The following TTC27 variants were observed in gnomAD, a reference collection of about 807,000 sequenced individuals.
TTC27 encodes the protein tetratricopeptide repeat domain 27.
In TTC27, 79 loss-of-function variants were observed where a neutral mutation model predicts 115.9. The observed-to-expected ratio is 0.68, with a 90% CI of 0.57 to 0.82. The LOEUF (loss-of-function observed/expected upper bound fraction) is 0.82. Ranked by LOEUF, TTC27 falls within the 40% of genes least tolerant of loss-of-function variation. The probability of loss-of-function intolerance (pLI) is 0.00; values close to 1 mark genes in which losing one functional copy is unlikely to be tolerated. For synonymous variants in TTC27, 401 were observed against 356.0 expected (o/e 1.13, Z -1.42); for missense variants, 1,054 against 993.1 (o/e 1.06, Z -0.82).
rs1404015895 is a variant in TTC27 at position 32,736,764 on chromosome 2, A to G, written c.1400A>G (p.Glu467Gly). 6.2e-7 allele frequency: 1 copy of G among 1,614,060 alleles called. No homozygotes were observed. The highest frequency in any genetic ancestry group is 1.1e-5 in the South Asian group (1 of 91,068). Residue 467 changes from glutamate (E) to glycine (G), a missense_variant, in exon 12 of 20, where the codon GAA becomes GGA. By Grantham distance (98) the Glu-to-Gly change is moderately conservative. Coordinates refer to ENST00000317907, the MANE Select transcript of TTC27 (RefSeq NM_017735.5). ...SSALQIFEKL[E>G]MWEDVVICYE... is the part of the protein sequence containing the mutation. ...GCCCTTCAGATATTTGAAAAGCTAG[A>G]AATGTGGGAAGATGTTGTCATTTGT...
At position 32,628,191 on chromosome 2, in the gene TTC27, C is replaced by A. The variant is rs938662585; in HGVS notation, c.-102C>A. ...GGTGTATTTACGGTAACTGTCGCCA[C>A]TAGATTTCAGCGCCTTTGGACTCTC... On this transcript the variant is annotated 5_prime_UTR_variant, in exon 1 of 20. Coordinates refer to ENST00000317907, the MANE Select transcript of TTC27 (RefSeq NM_017735.5). The A allele has an allele frequency of 9.1e-7, 1 of 1,098,462 alleles. No homozygotes were observed. The highest frequency in any genetic ancestry group is 1.3e-6 in the Non-Finnish European group (1 of 744,498). The allele number at this position is 1,098,462 out of a possible 1,614,324, so 68.0% of individuals were successfully genotyped here. A position where few individuals can be genotyped will look rare whatever the true frequency, so the allele number is the denominator to read the frequency against.
intron 12 of TTC27, among the ~76,000 whole-genome samples, chr2:32,743,115 G>A (rs1359094314): frequency 4.0e-5 from 6 of 151,800 alleles, no homozygotes; most frequent in African/African-American, 9.7e-5. Context: ...CATTTTTTAC[G>A]TGGAGGGCTT....
At chr2:32,662,468 G>A (rs1271259756) in intron 5 of TTC27, among the ~76,000 whole-genome samples, 1 of 152,170 alleles carries the variant, frequency 6.6e-6, no homozygotes, top group Non-Finnish European at 1.5e-5. Flanking sequence ...TCTATTCAGG[G>A]ATTTGACTTC....
At chr2:32,753,880 C>T (rs1402534809) in intron 12 of TTC27, among the ~76,000 whole-genome samples, 4 of 151,996 alleles carry the variant, frequency 2.6e-5, no homozygotes, top group Admixed American at 2.6e-4. Flanking sequence ...TCGAGACCAG[C>T]CTGGCCAACA....
chr2:32,751,518 A>G (rs947429114), intron 12 of TTC27, among the ~76,000 whole-genome samples: 3 of 152,126 alleles, frequency 2.0e-5, no homozygotes, highest in African/African-American at 7.2e-5. Flanking sequence ...GAAGAGAAGG[A>G]AACTAGAGAA....
chr2:32,666,672 T>C lies in TTC27; in HGVS notation c.843T>C (p.Tyr281=). ...LGKRTRFQEN[Y]VAQLILDVRR... ...AAAGAACACGGTTCCAGGAAAATTATGTGGCACAACTGATTCTAGATGTAA... is the reference window on the plus strand; with the variant it reads ...AAAGAACACGGTTCCAGGAAAATTACGTGGCACAACTGATTCTAGATGTAA... The change falls in exon 7 of 20, where the codon TAT becomes TAC. Residue 281 remains tyrosine, a synonymous_variant. Coordinates refer to ENST00000317907, the MANE Select transcript of TTC27 (RefSeq NM_017735.5). The C allele has an allele frequency of 1.9e-6, 3 of 1,614,070 alleles. No homozygotes were observed. Among genetic ancestry groups the C allele is most frequent in the Non-Finnish European group, 1.7e-6 (2 of 1,179,960 alleles).
chr2:32,815,225 T>TTTC, intron 18 of TTC27, among the ~76,000 whole-genome samples: 2 of 70,410 alleles, frequency 2.8e-5, no homozygotes, highest in East Asian at 6.0e-4. Flanking sequence ...TGCTTCAGAT[T>TTTC]TTTTTTTTTT....
At chr2:32,814,545 C>T (rs907324833) in intron 18 of TTC27, among the ~76,000 whole-genome samples, 4 of 152,150 alleles carry the variant, frequency 2.6e-5, no homozygotes, top group African/African-American at 9.7e-5. Context: ...AACATTGTTC[C>T]TCCACCCCAC....
chr2:32,810,369 T>C (rs4952299), intron 16 of TTC27, among the ~76,000 whole-genome samples: 63,713 of 151,948 alleles, frequency 0.42, 13,867 homozygotes, highest in South Asian at 0.59. Flanking sequence ...TTGTCCTAAA[T>C]AGGACATTAG....
intron 12 of TTC27, among the ~76,000 whole-genome samples, chr2:32,755,225 G>A (rs1669184525): frequency 1.3e-5 from 2 of 152,214 alleles, no homozygotes; most frequent in African/African-American, 4.8e-5. Flanking sequence ...GGGAGGCCAA[G>A]GCAGGCGGCT....
intron 2 of TTC27, among the ~76,000 whole-genome samples, chr2:32,632,102 C>T (rs996192455): frequency 1.3e-4 from 19 of 151,788 alleles, no homozygotes; most frequent in Admixed American, 6.6e-4. Flanking sequence ...TGAGCCACTT[C>T]GCCCAGCCTC....
At chr2:32,658,348 C>T (rs1456711563) in intron 5 of TTC27, among the ~76,000 whole-genome samples, 1 of 152,104 alleles carries the variant, frequency 6.6e-6, no homozygotes, top group Non-Finnish European at 1.5e-5. Context: ...TTCCTGGCTT[C>T]AAGTGATCAT....
intron 16 of TTC27, among the ~76,000 whole-genome samples, chr2:32,806,733 A>G (rs778799186): frequency 2.0e-5 from 3 of 152,028 alleles, no homozygotes; most frequent in Non-Finnish European, 4.4e-5. Context: ...GTGAGCCAAG[A>G]TCGCGCCACT....
chr2:32,803,964 G>A (rs1304116895), intron 16 of TTC27, among the ~76,000 whole-genome samples: 1 of 150,480 alleles, frequency 6.6e-6, no homozygotes, highest in East Asian at 2.0e-4. Context: ...CCGAGATTGT[G>A]CCACTGCACT....
intron 9 of TTC27, among the ~76,000 whole-genome samples, chr2:32,694,138 C>G (rs1666905172): frequency 6.6e-6 from 1 of 152,054 alleles, no homozygotes; most frequent in South Asian, 2.1e-4. Context: ...TTAGAGTGAA[C>G]TGTTCAGAAA....
In TTC27 at chr2:32,751,296, ACACACATG is replaced by A. The variant is rs1257808796; in HGVS notation, c.1453-6989_1453-6982del. Among the ~76,000 whole-genome samples the A allele has an allele frequency of 1.6e-3, 246 of 150,676 alleles. 1 individual carries two copies. The highest frequency in any genetic ancestry group is 5.8e-3 in the African/African-American group (240 of 41,176). ...CACACACACACACACACACACACAC[ACACACATG>A]CACACACATATACACAAGTTTTTGA... is the stretch of plus-strand genomic sequence containing the variant. On this transcript the variant is annotated intron_variant, in intron 12 of 19. Coordinates refer to ENST00000317907, the MANE Select transcript of TTC27 (RefSeq NM_017735.5).
chr2:32,812,062 C>T (rs1173974487), intron 17 of TTC27, among the ~76,000 whole-genome samples: 3 of 152,164 alleles, frequency 2.0e-5, no homozygotes. Flanking sequence ...ATTAAGAGTA[C>T]CCAGAATTCT....
intron 3 of TTC27, among the ~76,000 whole-genome samples, chr2:32,638,077 T>C (rs1252419887): frequency 2.0e-5 from 3 of 152,236 alleles, no homozygotes; most frequent in Non-Finnish European, 2.9e-5. Flanking sequence ...ATGTTCTTTC[T>C]ACCAGCGTGG....
chr2:32,780,785 G>A (rs1026411299), intron 14 of TTC27, among the ~76,000 whole-genome samples: 1 of 150,574 alleles, frequency 6.6e-6, no homozygotes, highest in Non-Finnish European at 1.5e-5. Flanking sequence ...TAGAAACACA[G>A]TTGATTTTTA....
Sources: allele counts gnomAD v4.1 joint callset (sites outside exome capture counted in the v4.1 genomes callset), GRCh38; gene constraint gnomAD v4.1.1; transcripts MANE v1.5; gene names NCBI Gene and HGNC (gene_info 2026-07-23, HGNC 2026-07-21).